Variants in DNAJC15 observed in about 807,000 individuals in gnomAD.
DNAJC15 encodes the protein dnaJ homolog subfamily C member 15.
Under a neutral mutation model 22.4 loss-of-function variants are expected in DNAJC15, and 27 were observed. That is an observed-to-expected ratio of 1.20 (90% CI 0.89 to 1.66). DNAJC15 has a LOEUF of 1.66. DNAJC15 is among the 40% of genes most tolerant of loss of function. The pLI is 0.00. For synonymous variants in DNAJC15, 79 were observed against 63.2 expected (o/e 1.25, Z -1.19); for missense variants, 208 against 187.1 (o/e 1.11, Z -0.65).
chr13:43,094,525 G>A (rs1184583577), intron 5 of DNAJC15, among the ~76,000 whole-genome samples: 2 of 152,204 alleles, frequency 1.3e-5, no homozygotes, highest in East Asian at 1.9e-4. Context: ...GGGTCCCTAT[G>A]CGTGGCAGGT....
chr13:43,100,365 G>A (rs1183368989), intron 5 of DNAJC15, among the ~76,000 whole-genome samples: 1 of 151,784 alleles, frequency 6.6e-6, no homozygotes, highest in Non-Finnish European at 1.5e-5. Context: ...ATGCCACCTT[G>A]CTCAGCTAAT....
Position 43,107,102 on chromosome 13 carries a change from T to C in DNAJC15, c.383-76T>C. On this transcript the variant is annotated intron_variant, in intron 5 of 5. Coordinates refer to ENST00000379221, the MANE Select transcript of DNAJC15 (RefSeq NM_013238.3). ...GTGTGAGACAATATTCAAAAAAGAG[T>C]ATTTTTATATTTTGGGGACTTTAAA... 7.0e-6 allele frequency: 8 copies of C among 1,144,322 alleles called. No individual in the cohort carries two copies. The South Asian group carries it at 1.1e-4, about 16-fold the overall frequency. 70.9% of individuals were successfully genotyped at this position (1,144,322 alleles called of 1,614,324 possible). A position where few individuals can be genotyped will look rare whatever the true frequency, so the allele number is the denominator to read the frequency against.
chr13:43,075,918 C>T (rs970364648), intron 3 of DNAJC15, among the ~76,000 whole-genome samples: 5 of 152,198 alleles, frequency 3.3e-5, no homozygotes, highest in Admixed American at 1.3e-4. Context: ...GCCTCAGCCT[C>T]GCAAAGTGCT....
chr13:43,105,029 A>G (rs942888229), intron 5 of DNAJC15, among the ~76,000 whole-genome samples: 1 of 151,522 alleles, frequency 6.6e-6, no homozygotes, highest in African/African-American at 2.4e-5. Context: ...TATGCATCCT[A>G]TCCTATGTTA....
intron 3 of DNAJC15, among the ~76,000 whole-genome samples, chr13:43,074,083 T>C (rs1324202553): frequency 6.6e-6 from 1 of 152,144 alleles, no homozygotes; most frequent in Admixed American, 6.5e-5. Context: ...ATATACTAAT[T>C]AAATCATCCT....
intron 1 of DNAJC15, among the ~76,000 whole-genome samples, chr13:43,055,581 C>G (rs2040526788): frequency 1.3e-5 from 2 of 152,154 alleles, no homozygotes; most frequent in African/African-American, 4.8e-5. Flanking sequence ...TCAGTATCTC[C>G]CGTTTCATTT....
At chr13:43,053,697 T>G (rs1423406384) in intron 1 of DNAJC15, among the ~76,000 whole-genome samples, 1 of 152,214 alleles carries the variant, frequency 6.6e-6, no homozygotes, top group Non-Finnish European at 1.5e-5. Context: ...GGTTGAGTTC[T>G]TGATTTGATT....
intron 5 of DNAJC15, among the ~76,000 whole-genome samples, chr13:43,097,665 C>CAGCTA (rs2040746404): frequency 6.6e-6 from 1 of 152,072 alleles, no homozygotes; most frequent in African/African-American, 2.4e-5. Flanking sequence ...AGGCCCGGTA[C>CAGCTA]GGTGGCTCAT....
At chr13:43,070,761 G>C (rs1228937741) in intron 3 of DNAJC15, among the ~76,000 whole-genome samples, 1 of 152,070 alleles carries the variant, frequency 6.6e-6, no homozygotes, top group Admixed American at 6.6e-5. Context: ...GGGCCTAATA[G>C]ACAATGAAAA....
At chr13:43,047,988 CTG>C (rs975906378) in intron 1 of DNAJC15, among the ~76,000 whole-genome samples, 1 of 152,164 alleles carries the variant, frequency 6.6e-6, no homozygotes, top group African/African-American at 2.4e-5. Context: ...TGAGGATTCT[CTG>C]TGGTAACTCT....
Position 43,053,252 on chromosome 13 carries a change from A to G in DNAJC15, c.109-12434A>G, listed in dbSNP as rs370972991. ...ATTTCTGGGTTCTCTATTCTGTTCT[A>G]TTGGCCTATATGCCTGTTTTTGTAC... On this transcript the variant is annotated intron_variant, in intron 1 of 5. Coordinates refer to ENST00000379221, the MANE Select transcript of DNAJC15 (RefSeq NM_013238.3). Among the ~76,000 whole-genome samples the G allele has an allele frequency of 6.4e-4, 98 of 152,242 alleles. 4 individuals are homozygous for G. The South Asian group carries it at 0.019, about 30-fold the overall frequency.
At chr13:43,025,890 C>T (rs1470523424) in intron 1 of DNAJC15, among the ~76,000 whole-genome samples, 4 of 152,002 alleles carry the variant, frequency 2.6e-5, no homozygotes, top group Admixed American at 1.3e-4. Context: ...GGCGACAGAG[C>T]GAGACTTTGT....
intron 1 of DNAJC15, among the ~76,000 whole-genome samples, chr13:43,064,094 G>A (rs9533373): frequency 0.22 from 33,546 of 152,130 alleles, 4,416 homozygotes; most frequent in Non-Finnish European, 0.3. Context: ...GCCAGGGAAT[G>A]AATCTTCTTT....
At chr13:43,098,080 C>T (rs1225185819) in intron 5 of DNAJC15, among the ~76,000 whole-genome samples, 1 of 152,074 alleles carries the variant, frequency 6.6e-6, no homozygotes, top group Non-Finnish European at 1.5e-5. Context: ...ATTTGCTATA[C>T]TGAGAAACTT....
At chr13:43,092,998 A>G (rs981207743) in intron 5 of DNAJC15, among the ~76,000 whole-genome samples, 7 of 152,244 alleles carry the variant, frequency 4.6e-5, no homozygotes, top group Non-Finnish European at 7.3e-5. Flanking sequence ...ATAAAATATT[A>G]CTTTGGCCAC....
chr13:43,055,352 C>A (rs180744311), intron 1 of DNAJC15, among the ~76,000 whole-genome samples: 31 of 152,268 alleles, frequency 2.0e-4, no homozygotes, highest in Admixed American at 9.8e-4. Flanking sequence ...CGCCACCTGC[C>A]ACTAACTCCC....
At position 43,085,763 on chromosome 13, in the gene DNAJC15, T is replaced by C; in HGVS notation, c.312-5T>C. The C allele has an allele frequency of 1.2e-6, 2 of 1,610,802 alleles. No individual in the cohort carries two copies. The highest frequency in any genetic ancestry group is 1.7e-6 in the Non-Finnish European group (2 of 1,179,028). On this transcript the variant is annotated splice_polypyrimidine_tract_variant and splice_region_variant and intron_variant, in intron 4 of 5. Transcript: ENST00000379221. ...TATTATAAGCACTGTAATTTCTTTT[T>C]ACAGCCCATCTGCTGGCAAGGCTAA...
chr13:43,077,386 A>G (rs1247540786), intron 3 of DNAJC15, among the ~76,000 whole-genome samples: 3 of 152,234 alleles, frequency 2.0e-5, no homozygotes, highest in Non-Finnish European at 4.4e-5. Context: ...GGGAAGGACA[A>G]GTTAGGCTTC....
At chr13:43,103,896 T>C (rs564265341) in intron 5 of DNAJC15, among the ~76,000 whole-genome samples, 19 of 152,354 alleles carry the variant, frequency 1.2e-4, no homozygotes, top group Non-Finnish European at 2.1e-4. Context: ...TTGGCTGTTT[T>C]ATTTTTGCAT....
Sources: allele counts gnomAD v4.1 joint callset (sites outside exome capture counted in the v4.1 genomes callset), GRCh38; gene constraint gnomAD v4.1.1; transcripts MANE v1.5; gene names NCBI Gene and HGNC (gene_info 2026-07-23, HGNC 2026-07-21).